The following TNIP2 variants were observed in gnomAD, a reference collection of about 807,000 sequenced individuals.
TNIP2 encodes the protein TNFAIP3 interacting protein 2.
In TNIP2, 30 loss-of-function variants were observed where a neutral mutation model predicts 43.7. That is an observed-to-expected ratio of 0.69 (90% CI 0.51 to 0.93). TNIP2 has a LOEUF of 0.93. Ranked by LOEUF, TNIP2 falls within the 40% of genes least tolerant of loss-of-function variation. TNIP2 has a pLI of 0.00. For synonymous variants in TNIP2, 260 were observed against 254.6 expected, an observed-to-expected ratio of 1.02 and a Z score of -0.20; for missense variants, 599 against 591.0, an observed-to-expected ratio of 1.01 and a Z score of -0.14.
Position 2,755,814 on chromosome 4 carries a change from A to C in TNIP2, c.276+200T>G, listed in dbSNP as rs1265791548. On this transcript the variant is annotated intron_variant, in intron 1 of 5. Coordinates refer to ENST00000315423, the MANE Select transcript of TNIP2 (RefSeq NM_024309.4). ...ACCCCTCAGGAGCCGGGGCCCCCTC[A>C]CCCCCAGGACCCGGCACCCCCTCAA... 1.4e-4 allele frequency: 30 copies of C among 217,910 alleles called. No individual in the cohort carries two copies. The Admixed American group carries it at 1.6e-3, about 12-fold the overall frequency. 13.5% of individuals were successfully genotyped at this position (217,910 alleles called of 1,614,324 possible).
chr4:2,755,936 C>T, intron 1 of TNIP2, 78 bp downstream of exon 1: 1 of 1,429,332 alleles, frequency 7.0e-7, no homozygotes, highest in Non-Finnish European at 9.1e-7. Flanking sequence ...CCGGGGCCCG[C>T]TCGCTCACCC....
Position 2,756,211 on chromosome 4 carries a change from C to T in TNIP2, c.79G>A (p.Ala27Thr). 1 of 1,473,714 alleles carries T rather than the reference C, an allele frequency of 6.8e-7. No individual in the cohort carries two copies. Among genetic ancestry groups the T allele is most frequent in the Non-Finnish European group, 8.9e-7 (1 of 1,120,602 alleles). 91.3% of individuals were successfully genotyped at this position (1,473,714 alleles called of 1,614,324 possible). A position where few individuals can be genotyped will look rare whatever the true frequency, so the allele number is the denominator to read the frequency against. The change falls in exon 1 of 6, where the codon GCC becomes ACC. Residue 27 changes from alanine (A) to threonine (T), a missense_variant. Physicochemically the swap from Ala to Thr is moderately conservative, Grantham distance 58. Coordinates refer to ENST00000315423, the MANE Select transcript of TNIP2 (RefSeq NM_024309.4). ...AAALCTLYHE[A>T]GQRLRRLQDQ... ...TGCAGGCGGCGCAGCCGCTGTCCGGCCTCGTGGTACAGGGTGCAGAGCGCG... is the reference window on the plus strand; with the variant it reads ...TGCAGGCGGCGCAGCCGCTGTCCGGTCTCGTGGTACAGGGTGCAGAGCGCG...
chr4:2,747,634 T>A (rs1305823162), intron 2 of TNIP2, 21 bp downstream of exon 2: 3 of 1,583,382 alleles, frequency 1.9e-6, no homozygotes, highest in Admixed American at 1.7e-5. Flanking sequence ...TTCCCCACAC[T>A]CTGCTTACAC....
At chr4:2,745,420 T>A (rs770607478) in intron 3 of TNIP2, 26 bp downstream of exon 3, 2 of 1,562,932 alleles carry the variant, frequency 1.3e-6, no homozygotes, top group East Asian at 4.5e-5. Flanking sequence ...TGTGTTCTTC[T>A]CAAACGAAAT....
intron 1 of TNIP2, among the ~76,000 whole-genome samples, chr4:2,754,455 C>G (rs1044935182): frequency 6.6e-6 from 1 of 152,254 alleles, no homozygotes; most frequent in South Asian, 2.1e-4. Context: ...CTCGCTCTGT[C>G]GCCCAGGCTG....
intron 1 of TNIP2, among the ~76,000 whole-genome samples, chr4:2,750,335 G>A (rs573114355): frequency 2.0e-5 from 3 of 152,058 alleles, no homozygotes; most frequent in Admixed American, 1.3e-4. Context: ...CAGAGACCGG[G>A]AACCTAGAAT....
chr4:2,744,666 C>A lies in TNIP2; in HGVS notation c.906+31G>T. The A allele has an allele frequency of 6.3e-7, 1 of 1,590,660 alleles. No individual in the cohort carries two copies. The highest frequency in any genetic ancestry group is 1.1e-5 in the South Asian group (1 of 89,208). On this transcript the variant is annotated intron_variant, in intron 4 of 5. Transcript: ENST00000315423. The surrounding 1 kb of genome is among the most constrained non-coding windows in gnomAD (Gnocchi z 5.1). ...CACCACCGGCCAGCAGACATCTGGT[C>A]AGTGCCGTCCGGAGCCCGAGGGACA...
At chr4:2,751,723 T>C (rs1468952896) in intron 1 of TNIP2, among the ~76,000 whole-genome samples, 1 of 150,582 alleles carries the variant, frequency 6.6e-6, no homozygotes, top group Non-Finnish European at 1.5e-5. Flanking sequence ...CAGTGAGCTA[T>C]GATCATGCTA....
rs1457109975 is a variant in TNIP2, at chr4:2,742,114, G to A, written c.*143C>T. The A allele has an allele frequency of 7.2e-6, 6 of 827,740 alleles. No homozygotes were observed. The highest frequency in any genetic ancestry group is 8.4e-6 in the Non-Finnish European group (5 of 596,204). 51.3% of individuals were successfully genotyped at this position (827,740 alleles called of 1,614,324 possible). A position where few individuals can be genotyped will look rare whatever the true frequency, so the allele number is the denominator to read the frequency against. ...CTGTTCCATAGCCAAAGGGACCAAA[G>A]TGAACGATCAGAGTGCCCCGCAACT... On this transcript the variant is annotated 3_prime_UTR_variant, in exon 6 of 6. Transcript: ENST00000315423.
At chr4:2,754,022 T>G (rs1320415341) in intron 1 of TNIP2, among the ~76,000 whole-genome samples, 1 of 152,256 alleles carries the variant, frequency 6.6e-6, no homozygotes, top group East Asian at 1.9e-4. Flanking sequence ...AGATTAACAC[T>G]AGTCATCCCT....
In TNIP2 at chr4:2,747,665, C is replaced by G. The variant is rs1448280670; in HGVS notation, c.557G>C (p.Ser186Thr). ...TACACTGTGGCCTACCTGGTCAGGA[C>G]TTCTCTCCCCCACATTCCTTTGTGC... is the stretch of plus-strand genomic sequence containing the variant. ...QHAQRNVGER[S>T]PDQSEHTDGH... is the part of the protein sequence containing the mutation. Residue 186 changes from serine to threonine, a missense_variant, in exon 2 of 6, where the codon AGT (serine) becomes ACT (threonine). Physicochemically the swap from Ser to Thr is moderately conservative, Grantham distance 58. Transcript: ENST00000315423. The G allele has an allele frequency of 6.3e-7, 1 of 1,596,790 alleles. No individual in the cohort carries two copies. Among genetic ancestry groups the G allele is most frequent in the Non-Finnish European group, 8.5e-7 (1 of 1,177,816 alleles).
chr4:2,748,647 C>T (rs569155530), intron 1 of TNIP2, among the ~76,000 whole-genome samples: 16 of 134,334 alleles, frequency 1.2e-4, no homozygotes, highest in African/African-American at 4.9e-4. Flanking sequence ...CGTGAGCCAC[C>T]ACGCCTGGCC....
At chr4:2,749,557 G>A (rs1003752915) in intron 1 of TNIP2, among the ~76,000 whole-genome samples, 2 of 152,188 alleles carry the variant, frequency 1.3e-5, no homozygotes, top group African/African-American at 4.8e-5. Flanking sequence ...GTGACGTCTT[G>A]TCTTGTGGAT....
In TNIP2 at chr4:2,744,891, C is replaced by T. The variant is rs768831983; in HGVS notation, c.712G>A (p.Val238Met). Residue 238 changes from valine (V) to methionine (M), a missense_variant, in exon 4 of 6, where the codon GTG (valine) becomes ATG (methionine). By Grantham distance (21) the Val-to-Met change is conservative (BLOSUM62 1). Transcript: ENST00000315423. This position sits in a 1 kb window ranked among gnomAD's most constrained non-coding sequence, Gnocchi z 5.1. ...CTGAGCTGCGCATGGAGCCCCCTCA[C>T]GTATTCGTCCCTGCTGGCGTTGTAG... The part of the protein sequence containing the change: ...QRYNASRDEY[V>M]RGLHAQLRGL... 9.9e-6 allele frequency: 16 copies of T among 1,613,298 alleles called. No individual in the cohort carries two copies. The highest frequency in any genetic ancestry group is 4.5e-5 in the East Asian group (2 of 44,872).
chr4:2,749,271 TATC>T (rs1277759816), intron 1 of TNIP2, among the ~76,000 whole-genome samples: 2 of 152,216 alleles, frequency 1.3e-5, no homozygotes, highest in African/African-American at 4.8e-5. Flanking sequence ...CACACCCAGT[TATC>T]ATCAAATTAT....
At chr4:2,747,592 C>T in intron 2 of TNIP2, 63 bp downstream of exon 2, 1 of 1,526,062 alleles carries the variant, frequency 6.6e-7, no homozygotes, top group Non-Finnish European at 8.8e-7. Flanking sequence ...TGATCAGGGG[C>T]CTGTAGGCGA....
chr4:2,742,342 T>TCC lies in TNIP2; in HGVS notation c.1203_1204dup (p.Asp402GlyfsTer59). On this transcript the variant is annotated frameshift_variant, in exon 6 of 6. Coordinates refer to ENST00000315423, the MANE Select transcript of TNIP2 (RefSeq NM_024309.4). LOFTEE classifies it high-confidence loss of function. ...CTGCAGGCAGTGAGGGCACTGAAGG[T>TCC]CCCCCTGGCCTCTCTGGGCCGCGCC... 5.1e-6 allele frequency: 8 copies of TCC among 1,574,802 alleles called. No individual in the cohort carries two copies. Among genetic ancestry groups the TCC allele is most frequent in the Non-Finnish European group, 6.9e-6 (8 of 1,157,882 alleles).
At chr4:2,752,718 G>A (rs372940947) in intron 1 of TNIP2, among the ~76,000 whole-genome samples, 1 of 152,182 alleles carries the variant, frequency 6.6e-6, no homozygotes, top group East Asian at 1.9e-4. Context: ...CAGATTGAAC[G>A]TTGGGATGAG....
intron 3 of TNIP2, 89 bp from the exon 4 acceptor site, chr4:2,745,034 G>A: frequency 6.8e-7 from 1 of 1,477,892 alleles, no homozygotes. Flanking sequence ...TATTAGCAGT[G>A]ATTCGCTGAG....
Sources: gnomAD v4.1 joint callset for allele counts (sites outside exome capture counted in the v4.1 genomes callset) on GRCh38, gnomAD v4.1.1 for gene constraint, Gnocchi (gnomAD v3.1) non-coding constraint, MANE v1.5 for transcripts, NCBI Gene and HGNC (gene_info 2026-07-23, HGNC 2026-07-21) for gene names.